The following GNG7 variants were observed in gnomAD, a reference collection of about 807,000 sequenced individuals.
GNG7 encodes guanine nucleotide-binding protein G(I)/G(S)/G(O) subunit gamma-7.
In GNG7, 1 loss-of-function variant was observed where a neutral mutation model predicts 4.0. That is an observed-to-expected ratio of 0.25 (90% CI 0.09 to 1.18). The LOEUF is 1.18. GNG7 is among the 50% of genes most tolerant of loss of function. GNG7 has a pLI of 0.50. For missense variants in GNG7, 86 were observed against 91.9 expected (o/e 0.94, Z 0.26); for synonymous variants, 34 against 36.9 (o/e 0.92, Z 0.29).
rs534006811 is a variant in GNG7, at chr19:2,633,584, C to T, written c.-78+12640G>A. ...TACTCAGATCCCCGGGCTCGGTGGT[C>T]GTGGATGTGAGCCTCTCTGGGTATG... On this transcript the variant is annotated intron_variant, in intron 2 of 4. Coordinates refer to ENST00000382159, the MANE Select transcript of GNG7 (RefSeq NM_052847.3). This position sits in a 1 kb window ranked among gnomAD's most constrained non-coding sequence, Gnocchi z 5.9. Among the ~76,000 whole-genome samples, 2 of 151,384 alleles carry T rather than the reference C, an allele frequency of 1.3e-5. No homozygotes were observed. Among genetic ancestry groups the T allele is most frequent in the Admixed American group, 6.6e-5 (1 of 15,178 alleles).
intron 1 of GNG7, among the ~76,000 whole-genome samples, chr19:2,688,946 T>G (rs1313592404): frequency 6.6e-6 from 1 of 151,812 alleles, no homozygotes; most frequent in Non-Finnish European, 1.5e-5. Flanking sequence ...GTGCCTGTGG[T>G]CCCAGCTACT....
At chr19:2,559,934 C>T (rs2907335) in intron 2 of GNG7, among the ~76,000 whole-genome samples, 7,925 of 152,068 alleles carry the variant, frequency 0.052, 250 homozygotes, top group Non-Finnish European at 0.065. Context: ...CTGAGGGACA[C>T]GAGAAGGGGC....
chr19:2,675,386 C>T (rs761630153), intron 1 of GNG7, among the ~76,000 whole-genome samples: 1 of 152,188 alleles, frequency 6.6e-6, no homozygotes, highest in Non-Finnish European at 1.5e-5. Flanking sequence ...AGCTTCGTGA[C>T]CAAGCCCGGT....
chr19:2,535,726 G>A (rs1368443761), intron 3 of GNG7, among the ~76,000 whole-genome samples: 4 of 152,080 alleles, frequency 2.6e-5, no homozygotes, highest in Admixed American at 2.6e-4. Flanking sequence ...AGCACCAGGT[G>A]ACCTTGACTC....
chr19:2,608,360 C>T (rs555748565), intron 2 of GNG7, among the ~76,000 whole-genome samples: 117 of 151,910 alleles, frequency 7.7e-4, no homozygotes, highest in African/African-American at 2.8e-3. Context: ...GCAAGGCCTG[C>T]GGGCTGGAGG....
intron 1 of GNG7, among the ~76,000 whole-genome samples, chr19:2,658,826 G>T (rs368056118): frequency 6.6e-6 from 1 of 152,176 alleles, no homozygotes; most frequent in Non-Finnish European, 1.5e-5. Context: ...GGGGAAATGC[G>T]TACCTTTTCG....
At chr19:2,547,383 A>G (rs1160293383) in intron 3 of GNG7, among the ~76,000 whole-genome samples, 2 of 152,034 alleles carry the variant, frequency 1.3e-5, no homozygotes, top group Non-Finnish European at 2.9e-5. Context: ...CCTTTCGCCT[A>G]GAGGTGCCCG....
chr19:2,661,795 C>T (rs1983187832), intron 1 of GNG7, among the ~76,000 whole-genome samples: 2 of 152,162 alleles, frequency 1.3e-5, no homozygotes, highest in South Asian at 2.1e-4. Flanking sequence ...CCAACAGCCA[C>T]ATGAGGGCGC....
chr19:2,524,048 TACTC>T (rs1978325302), intron 3 of GNG7, among the ~76,000 whole-genome samples: 1 of 152,104 alleles, frequency 6.6e-6, no homozygotes, highest in Non-Finnish European at 1.5e-5. Context: ...ATACCTAAAT[TACTC>T]AGTGCTAAAA....
In GNG7 at chr19:2,609,180, CCA is replaced by C. The variant is rs1283099841; in HGVS notation, c.-78+37042_-78+37043del. Among the ~76,000 whole-genome samples, 1 of 152,092 alleles carries C rather than the reference CCA, an allele frequency of 6.6e-6. No individual in the cohort carries two copies. The highest frequency in any genetic ancestry group is 1.5e-5 in the Non-Finnish European group (1 of 68,026). ...TAGCTGGGATTACAGGCATGCACCA[CCA>C]CACCTGGCTAATTTTTAATTTTTCG... On this transcript the variant is annotated intron_variant, in intron 2 of 4. Coordinates refer to ENST00000382159, the MANE Select transcript of GNG7 (RefSeq NM_052847.3). The surrounding 1 kb of genome is among the most constrained non-coding windows in gnomAD (Gnocchi z 4.4).
chr19:2,586,722 C>T (rs547320214), intron 2 of GNG7, among the ~76,000 whole-genome samples: 1 of 152,052 alleles, frequency 6.6e-6, no homozygotes, highest in East Asian at 1.9e-4. Context: ...CAGTGGCTCA[C>T]GCCTGTAATC....
chr19:2,542,107 CTTTTTTTT>C (rs1175526574), intron 3 of GNG7, among the ~76,000 whole-genome samples: 2 of 64,566 alleles, frequency 3.1e-5, no homozygotes, highest in African/African-American at 6.7e-5. Flanking sequence ...GCTGTGTGTT[CTTTTTTTT>C]TTTTTTTTTT....
intron 4 of GNG7, among the ~76,000 whole-genome samples, chr19:2,519,237 A>G (rs1599369747): frequency 8.4e-6 from 1 of 119,310 alleles, no homozygotes; most frequent in East Asian, 2.5e-4. Context: ...TGCAACCTCC[A>G]CCTCCCAGGT....
rs1982231116 is a variant in GNG7, at chr19:2,633,669, A to G, written c.-78+12555T>C. Among the ~76,000 whole-genome samples the G allele has an allele frequency of 6.6e-6, 1 of 151,970 alleles. No individual in the cohort carries two copies. The highest frequency in any genetic ancestry group is 6.6e-5 in the Admixed American group (1 of 15,260). On this transcript the variant is annotated intron_variant, in intron 2 of 4. Transcript: ENST00000382159. This position sits in a 1 kb window ranked among gnomAD's most constrained non-coding sequence, Gnocchi z 5.9. ...ACAGCTCTGAAACGGGGATTCATTG[A>G]GAGGACATCGGTGGGCTTGAAAACG...
intron 2 of GNG7, among the ~76,000 whole-genome samples, chr19:2,592,488 A>C (rs1348006428): frequency 6.6e-6 from 1 of 152,090 alleles, no homozygotes; most frequent in Admixed American, 6.6e-5. Context: ...TAATCCCAGC[A>C]CTTTGGGAGA....
At chr19:2,655,342 G>C (rs896202614) in intron 1 of GNG7, among the ~76,000 whole-genome samples, 2 of 152,078 alleles carry the variant, frequency 1.3e-5, no homozygotes, top group African/African-American at 4.8e-5. Context: ...TCATTAATCA[G>C]CCAGGAAATG....
chr19:2,643,849 T>C (rs552732621), intron 2 of GNG7: 1 of 352,264 alleles, frequency 2.8e-6, no homozygotes, highest in South Asian at 2.2e-5. Context: ...CTCCCAGAGC[T>C]GCCCCGATCC....
intron 3 of GNG7, among the ~76,000 whole-genome samples, chr19:2,536,622 A>C (rs542959639): frequency 6.6e-6 from 1 of 152,206 alleles, no homozygotes; most frequent in South Asian, 2.1e-4. Context: ...TGTGGGTCGT[A>C]TATGTGACAG....
At chr19:2,586,594 C>G (rs1184335623) in intron 2 of GNG7, among the ~76,000 whole-genome samples, 1 of 152,146 alleles carries the variant, frequency 6.6e-6, no homozygotes, top group Non-Finnish European at 1.5e-5. Context: ...CATTTGACAG[C>G]CAAGGGCTCA....
Sources: gnomAD v4.1 joint callset for allele counts (sites outside exome capture counted in the v4.1 genomes callset) on GRCh38, gnomAD v4.1.1 for gene constraint, Gnocchi (gnomAD v3.1) non-coding constraint, MANE v1.5 for transcripts, NCBI Gene and HGNC (gene_info 2026-07-23, HGNC 2026-07-21) for gene names.